RASAL2: variants seen among roughly 807,000 people sequenced by gnomAD.
RASAL2 encodes RAS protein activator like 2.
In RASAL2, 58 loss-of-function variants were observed where a neutral mutation model predicts 128.9. The ratio of observed to expected loss-of-function variants is 0.45; its 90% CI spans 0.36 to 0.56. RASAL2 has a LOEUF of 0.56. Ranked by LOEUF, RASAL2 falls within the 20% of genes least tolerant of loss-of-function variation. RASAL2 has a pLI of 0.00. For synonymous variants in RASAL2, 561 were observed against 580.8 expected (o/e 0.97, Z 0.49); for missense variants, 1,360 against 1,601.6 (o/e 0.85, Z 2.57).
At chr1:178,180,984 T>C (rs1662088706) in intron 1 of RASAL2, among the ~76,000 whole-genome samples, 2 of 152,174 alleles carry the variant, frequency 1.3e-5, no homozygotes. Flanking sequence ...CATAATGCTA[T>C]TCATAACATT....
chr1:178,224,258 A>G (rs1663714255), intron 1 of RASAL2, among the ~76,000 whole-genome samples: 3 of 150,608 alleles, frequency 2.0e-5, no homozygotes, highest in Admixed American at 2.0e-4. Context: ...AAAGGTGTTC[A>G]TTATGGTTTT....
chr1:178,149,563 A>C (rs1019748223), intron 1 of RASAL2, among the ~76,000 whole-genome samples: 3 of 151,770 alleles, frequency 2.0e-5, no homozygotes, highest in African/African-American at 7.3e-5. Flanking sequence ...CATATTGTGC[A>C]TTAATTTTTA....
At chr1:178,122,564 G>A (rs1659755545) in intron 1 of RASAL2, among the ~76,000 whole-genome samples, 2 of 152,156 alleles carry the variant, frequency 1.3e-5, no homozygotes. Context: ...AACTTAATGT[G>A]TGTCCAGGAA....
chr1:178,424,996 G>A (rs1361791510), intron 5 of RASAL2, among the ~76,000 whole-genome samples: 3 of 152,140 alleles, frequency 2.0e-5, no homozygotes, highest in Admixed American at 1.3e-4. Flanking sequence ...ATATAGCATA[G>A]AGAACCAAAG....
intron 4 of RASAL2, among the ~76,000 whole-genome samples, chr1:178,404,153 G>A (rs984339593): frequency 1.3e-5 from 2 of 150,368 alleles, no homozygotes; most frequent in Non-Finnish European, 3.0e-5. Context: ...TTGAACCCGG[G>A]AGGCAGAGGT....
intron 1 of RASAL2, among the ~76,000 whole-genome samples, chr1:178,166,468 T>G (rs1222645180): frequency 2.0e-5 from 3 of 152,188 alleles, no homozygotes; most frequent in African/African-American, 7.2e-5. Context: ...TTATAATGAT[T>G]AAAAAGAACA....
intron 1 of RASAL2, among the ~76,000 whole-genome samples, chr1:178,257,847 G>GAAA (rs71108038): frequency 3.9e-5 from 5 of 128,072 alleles, no homozygotes; most frequent in African/African-American, 1.0e-4. Context: ...TCTCAAAAAA[G>GAAA]AAAAAAAAAA....
At chr1:178,237,617 A>G (rs1664311900) in intron 1 of RASAL2, among the ~76,000 whole-genome samples, 1 of 152,162 alleles carries the variant, frequency 6.6e-6, no homozygotes. Flanking sequence ...ACTTGCATAC[A>G]CACCTTATTT....
At chr1:178,454,904 C>T (rs1312533468) in intron 12 of RASAL2, among the ~76,000 whole-genome samples, 4 of 151,966 alleles carry the variant, frequency 2.6e-5, no homozygotes, top group African/African-American at 9.7e-5. Flanking sequence ...TTTATATATA[C>T]AGAGTGCATA....
intron 5 of RASAL2, among the ~76,000 whole-genome samples, chr1:178,434,806 T>C (rs1202685485): frequency 6.6e-6 from 1 of 151,952 alleles, no homozygotes; most frequent in Non-Finnish European, 1.5e-5. Context: ...CAAGAAAGGA[T>C]GTGCACTTTC....
chr1:178,367,664 G>A (rs1313104175), intron 3 of RASAL2, among the ~76,000 whole-genome samples: 3 of 151,968 alleles, frequency 2.0e-5, no homozygotes, highest in Admixed American at 2.0e-4. Context: ...ATTGAAGAAA[G>A]GGCTACATAT....
chr1:178,411,568 T>A (rs1413949169), intron 4 of RASAL2: 1 of 651,590 alleles, frequency 1.5e-6, no homozygotes, highest in African/African-American at 1.8e-5. Flanking sequence ...AAATTTGATT[T>A]AAAAAAATGA....
At chr1:178,178,612 C>G (rs1661971967) in intron 1 of RASAL2, among the ~76,000 whole-genome samples, 1 of 152,148 alleles carries the variant, frequency 6.6e-6, no homozygotes, top group Non-Finnish European at 1.5e-5. Context: ...TGTATGATTT[C>G]TCCTTCGCAG....
chr1:178,105,355 G>GTAA (rs1403020975), intron 1 of RASAL2, among the ~76,000 whole-genome samples: 1 of 152,214 alleles, frequency 6.6e-6, no homozygotes, highest in Non-Finnish European at 1.5e-5. Flanking sequence ...TGTTTAGCAT[G>GTAA]TAATACATAA....
At chr1:178,215,866 A>G (rs1297496178) in intron 1 of RASAL2, among the ~76,000 whole-genome samples, 1 of 152,198 alleles carries the variant, frequency 6.6e-6, no homozygotes, top group Non-Finnish European at 1.5e-5. Context: ...CCTTACTTAA[A>G]GTTCAAATTA....
chr1:178,305,753 A>T (rs928843466), intron 3 of RASAL2, among the ~76,000 whole-genome samples: 1 of 152,216 alleles, frequency 6.6e-6, no homozygotes, highest in African/African-American at 2.4e-5. Flanking sequence ...TACAGACTAC[A>T]GATACAAATT....
At chr1:178,395,335 G>T (rs549301584) in intron 4 of RASAL2, among the ~76,000 whole-genome samples, 44 of 152,172 alleles carry the variant, frequency 2.9e-4, no homozygotes, top group African/African-American at 1.0e-3. Context: ...TAGTCAGTGT[G>T]TTACCTGTGA....
chr1:178,201,885 G>A (rs1662885863), intron 1 of RASAL2, among the ~76,000 whole-genome samples: 1 of 152,180 alleles, frequency 6.6e-6, no homozygotes, highest in South Asian at 2.1e-4. Flanking sequence ...ACTTGAGCTA[G>A]TTTACAGACC....
At chr1:178,318,237 T>C (rs1431492682) in intron 3 of RASAL2, among the ~76,000 whole-genome samples, 2 of 148,848 alleles carry the variant, frequency 1.3e-5, no homozygotes, top group African/African-American at 4.9e-5. Context: ...TTGGAATAGG[T>C]GTGGTGTGGT....
Sources: allele counts gnomAD v4.1 joint callset (sites outside exome capture counted in the v4.1 genomes callset), GRCh38; gene constraint gnomAD v4.1.1; transcripts MANE v1.5; gene names NCBI Gene and HGNC (gene_info 2026-07-23, HGNC 2026-07-21).